TRPV4: variants seen among roughly 807,000 people sequenced by gnomAD.
TRPV4 encodes OSM9-like transient receptor potential channel 4.
Under a neutral mutation model 84.1 loss-of-function variants are expected in TRPV4, and 58 were observed. That is an observed-to-expected ratio of 0.69 (90% CI 0.56 to 0.86). The LOEUF (loss-of-function observed/expected upper bound fraction) is 0.86. Among genes scored for constraint, TRPV4 ranks in the 40% least tolerant of loss-of-function variants. TRPV4 has a pLI of 0.00. For synonymous variants in TRPV4, 489 were observed against 500.9 expected (o/e 0.98, Z 0.32); for missense variants, 879 against 1,181.1 (o/e 0.74, Z 3.75).
chr12:109,788,400 C>T lies in TRPV4; in HGVS notation c.2208G>A (p.Gln736=). The change falls in exon 13 of 16, where the codon CAG becomes CAA. Residue 736 remains glutamine (Q), a splice_region_variant and synonymous_variant. Transcript: ENST00000261740. ...SKESKHIWKL[Q]WATTILDIER... is the part of the protein sequence containing the mutation. Reference sequence around the variant, plus strand: ...GGGGCTGGGGGCCCTGGGGCCTCACCTGCAGCTTCCAGATGTGCTTGCTCT... The same window carrying T: ...GGGGCTGGGGGCCCTGGGGCCTCACTTGCAGCTTCCAGATGTGCTTGCTCT... The T allele has an allele frequency of 6.2e-7, 1 of 1,613,240 alleles. No homozygotes were observed.
In TRPV4 at chr12:109,814,652, G is replaced by T. The variant is rs546287338; in HGVS notation, c.145C>A (p.Pro49Thr). The change falls in exon 2 of 16, where the codon CCC becomes ACC. Residue 49 changes from proline (P) to threonine (T), a missense_variant. Physicochemically the swap from Pro to Thr is conservative, Grantham distance 38. This residue lies in a region of TRPV4 where 107 missense variants were observed against 99.4 expected (regional missense o/e 1.08). Transcript: ENST00000261740. This position sits in a 1 kb window ranked among gnomAD's most constrained non-coding sequence, Gnocchi z 5.4. ...GGGCGACTGGCATCAGCCGGTGAGG[G>T]CGAAAGGGAGCCATCCTCCCCCTCA... ...LFEGEDGSLS[P>T]SPADASRPAG... The T allele has an allele frequency of 3.3e-5, 53 of 1,613,408 alleles. No homozygotes were observed. Among genetic ancestry groups the T allele is most frequent in the Non-Finnish European group, 4.5e-5 (53 of 1,179,898 alleles).
chr12:109,794,259 G>A, intron 8 of TRPV4, 70 bp downstream of exon 8: 1 of 1,584,776 alleles, frequency 6.3e-7, no homozygotes, highest in Non-Finnish European at 8.6e-7. Flanking sequence ...GAAGGATGAG[G>A]TTGTGCCCCA....
chr12:109,806,439 A>G (rs1891134046), intron 3 of TRPV4, among the ~76,000 whole-genome samples: 2 of 144,592 alleles, frequency 1.4e-5, no homozygotes, highest in African/African-American at 2.6e-5. Flanking sequence ...TCCTGACCTT[A>G]GGTGATCCAC....
intron 1 of TRPV4, among the ~76,000 whole-genome samples, chr12:109,819,992 C>T (rs974044374): frequency 2.6e-5 from 4 of 152,150 alleles, no homozygotes; most frequent in Non-Finnish European, 4.4e-5. Flanking sequence ...GTAGGATGGA[C>T]AAAGAATCTG....
chr12:109,819,882 T>C (rs1892022638), intron 1 of TRPV4, among the ~76,000 whole-genome samples: 1 of 152,184 alleles, frequency 6.6e-6, no homozygotes, highest in South Asian at 2.1e-4. Flanking sequence ...TTTTTGAATA[T>C]GTTGGTTTTA....
Position 109,786,561 on chromosome 12 carries a change from C to G in TRPV4, c.2336+149G>C, listed in dbSNP as rs892048727. The G allele has an allele frequency of 3.0e-6, 3 of 1,009,306 alleles. No homozygotes were observed. The highest frequency in any genetic ancestry group is 1.5e-6 in the Non-Finnish European group (1 of 682,638). The allele number at this position is 1,009,306 out of a possible 1,614,324, so 62.5% of individuals were successfully genotyped here. Reference sequence around the variant, plus strand: ...AGAGGTGGGCTGACTTGCCTGAGATCGCCTGGTGGAAATGAACTCTGCTCG... The same window carrying G: ...AGAGGTGGGCTGACTTGCCTGAGATGGCCTGGTGGAAATGAACTCTGCTCG... On this transcript the variant is annotated intron_variant, in intron 14 of 15. Coordinates refer to ENST00000261740, the MANE Select transcript of TRPV4 (RefSeq NM_021625.5). The surrounding 1 kb of genome is among the most constrained non-coding windows in gnomAD (Gnocchi z 4.5).
intron 1 of TRPV4, among the ~76,000 whole-genome samples, chr12:109,824,474 G>A (rs1446218069): frequency 1.3e-5 from 2 of 151,994 alleles, no homozygotes; most frequent in African/African-American, 4.8e-5. Context: ...TTCTTAGTCC[G>A]GCCGGGCGCA....
intron 1 of TRPV4, among the ~76,000 whole-genome samples, chr12:109,827,186 G>T (rs1452587458): frequency 1.3e-5 from 2 of 152,188 alleles, no homozygotes; most frequent in African/African-American, 4.8e-5. Flanking sequence ...CCTGCTATGT[G>T]TGGGGTTTTC....
rs184246874 is a variant in TRPV4 at position 109,825,227 on chromosome 12, A to G, written c.-32+8123T>C. Among the ~76,000 whole-genome samples, 265 of 152,268 alleles carry G rather than the reference A, an allele frequency of 1.7e-3. 2 individuals carry two copies. Among genetic ancestry groups the G allele is most frequent in the Admixed American group, 0.012 (185 of 15,290 alleles). Reference sequence around the variant, plus strand: ...TTTTTAAAATATTAAAAAATAAAATAACAGCTCCTACCCCAAAGAGCTATT... The same window carrying G: ...TTTTTAAAATATTAAAAAATAAAATGACAGCTCCTACCCCAAAGAGCTATT... On this transcript the variant is annotated intron_variant, in intron 1 of 15. Coordinates refer to ENST00000261740, the MANE Select transcript of TRPV4 (RefSeq NM_021625.5).
At position 109,799,222 on chromosome 12, in the gene TRPV4, G is replaced by A. The variant is rs144509432; in HGVS notation, c.854-310C>T. ...GGCTGGAGTGCAGTGGCACAATCTCGGCTCATTGCAACCTCCACCTCCCGG... is the reference window on the plus strand; with the variant it reads ...GGCTGGAGTGCAGTGGCACAATCTCAGCTCATTGCAACCTCCACCTCCCGG... On this transcript the variant is annotated intron_variant, in intron 5 of 15. Coordinates refer to ENST00000261740, the MANE Select transcript of TRPV4 (RefSeq NM_021625.5). Among the ~76,000 whole-genome samples, 1,267 of 150,160 alleles carry A rather than the reference G, an allele frequency of 8.4e-3. 17 individuals carry two copies. The highest frequency in any genetic ancestry group is 0.03 in the African/African-American group (1,211 of 40,728).
At chr12:109,808,590 G>C (rs1891293343) in intron 2 of TRPV4, 122 bp from the exon 3 acceptor site, 2 of 882,398 alleles carry the variant, frequency 2.3e-6, no homozygotes, top group Non-Finnish European at 3.4e-6. Context: ...ACAAGGAACA[G>C]GGTGAGGTAG....
Position 109,798,801 on chromosome 12 carries a change from T to C in TRPV4, c.965A>G (p.Asn322Ser), listed in dbSNP as rs760853363. ...ADMRRQDSRG[N>S]TVLHALVAIA... ...GGCCACCAGCGCATGCAGCACTGTG[T>C]TGCCTCGCGAGTCCTGGCGCCGCAT... The change falls in exon 6 of 16, where the codon AAC becomes AGC. Residue 322 changes from asparagine (N) to serine (S), a missense_variant. By Grantham distance (46) the Asn-to-Ser change is conservative (BLOSUM62 1). This residue lies in a region of TRPV4 where 521 missense variants were observed against 686.6 expected (regional missense o/e 0.76). Coordinates refer to ENST00000261740, the MANE Select transcript of TRPV4 (RefSeq NM_021625.5). The surrounding 1 kb of genome is among the most constrained non-coding windows in gnomAD (Gnocchi z 5.0). 6.2e-7 allele frequency: 1 copy of C among 1,614,194 alleles called. No homozygotes were observed. The highest frequency in any genetic ancestry group is 1.1e-5 in the South Asian group (1 of 91,082).
At chr12:109,816,670 T>G (rs1305471323) in intron 1 of TRPV4, among the ~76,000 whole-genome samples, 1 of 152,134 alleles carries the variant, frequency 6.6e-6, no homozygotes, top group African/African-American at 2.4e-5. Context: ...CCCAGCTACT[T>G]AGGAGGCTGA....
rs1253782008 is a variant in TRPV4, at chr12:109,814,544, G to T, written c.253C>A (p.Leu85Met). The change falls in exon 2 of 16, where the codon CTG becomes ATG. Residue 85 changes from leucine to methionine, a missense_variant. Transcript: ENST00000261740. This position sits in a 1 kb window ranked among gnomAD's most constrained non-coding sequence, Gnocchi z 5.4. Reference sequence around the variant, plus strand: ...GACTCATATAGGGTGGACTCCAGCAGATCGATGGGGTTGGGCACCCCCTTG... The same window carrying T: ...GACTCATATAGGGTGGACTCCAGCATATCGATGGGGTTGGGCACCCCCTTG... ...FRKGVPNPID[L>M]LESTLYESSV... 1.2e-6 allele frequency: 2 copies of T among 1,614,044 alleles called. No homozygotes were observed. The highest frequency in any genetic ancestry group is 1.7e-5 in the Admixed American group (1 of 60,012).
intron 5 of TRPV4, among the ~76,000 whole-genome samples, chr12:109,799,398 C>G (rs1890633243): frequency 6.6e-6 from 1 of 152,234 alleles, no homozygotes; most frequent in Non-Finnish European, 1.5e-5. Flanking sequence ...ATCCGCCGAC[C>G]TCGGCCTCCC....
chr12:109,819,371 C>T (rs934000125), intron 1 of TRPV4, among the ~76,000 whole-genome samples: 5 of 152,128 alleles, frequency 3.3e-5, no homozygotes, highest in Non-Finnish European at 5.9e-5. Context: ...TGTGTGTGTG[C>T]CCACTGTGAG....
At chr12:109,817,437 C>A (rs1158544068) in intron 1 of TRPV4, among the ~76,000 whole-genome samples, 2 of 152,140 alleles carry the variant, frequency 1.3e-5, no homozygotes, top group African/African-American at 2.4e-5. Flanking sequence ...CAAGAAGGTC[C>A]TTCCATCCCC....
At chr12:109,824,360 C>T (rs745738785) in intron 1 of TRPV4, among the ~76,000 whole-genome samples, 2 of 152,126 alleles carry the variant, frequency 1.3e-5, no homozygotes, top group Non-Finnish European at 2.9e-5. Context: ...TCCCTTATCT[C>T]GCTTCCTTCC....
chr12:109,831,568 G>A (rs1892409761), intron 1 of TRPV4, among the ~76,000 whole-genome samples: 2 of 152,260 alleles, frequency 1.3e-5, no homozygotes, highest in Non-Finnish European at 2.9e-5. Context: ...TGGCACAGGT[G>A]AGCTTGCAGA....
Sources: gnomAD v4.1 joint callset for allele counts (sites outside exome capture counted in the v4.1 genomes callset) on GRCh38, gnomAD v4.1.1 for gene constraint, gnomAD v4.1.1 regional missense constraint, Gnocchi (gnomAD v3.1) non-coding constraint, MANE v1.5 for transcripts, NCBI Gene and HGNC (gene_info 2026-07-23, HGNC 2026-07-21) for gene names.